The following HTR7 variants were observed in gnomAD, a reference collection of about 807,000 sequenced individuals.
The protein encoded by HTR7 is 5-HT-7.
HTR7 carries 16 observed loss-of-function variants against 34.0 expected under a neutral mutation model. The ratio of observed to expected loss-of-function variants is 0.47; its 90% confidence interval spans 0.32 to 0.71. HTR7 has a LOEUF of 0.71. Among genes scored for constraint, HTR7 ranks in the 30% least tolerant of loss-of-function variants. HTR7 has a pLI of 0.04. For synonymous variants in HTR7, 265 were observed against 260.2 expected (o/e 1.02, Z -0.18); for missense variants, 504 against 625.5 (o/e 0.81, Z 2.07).
At chr10:90,745,186 C>A (rs937030459) in intron 2 of HTR7, among the ~76,000 whole-genome samples, 5 of 152,136 alleles carry the variant, frequency 3.3e-5, no homozygotes, top group Non-Finnish European at 7.4e-5. Flanking sequence ...AAATTGGTAG[C>A]TTATAAACAA....
intron 1 of HTR7, among the ~76,000 whole-genome samples, chr10:90,829,589 C>T (rs1846133071): frequency 6.6e-6 from 1 of 152,036 alleles, no homozygotes; most frequent in Admixed American, 6.6e-5. Flanking sequence ...CTTTTTGCCA[C>T]TGTTATTCAA....
rs181736514 is a variant in HTR7 at position 90,759,016 on chromosome 10, T to C, written c.540-9422A>G. ...CAGCCTGACCAACATGGAGAAACCC[T>C]GTCTCTACTAAAAATACAAAATTAG... On this transcript the variant is annotated intron_variant, in intron 1 of 3. Transcript: ENST00000336152. Among the ~76,000 whole-genome samples the C allele has an allele frequency of 6.3e-3, 958 of 151,804 alleles. 9 individuals carry two copies. Among genetic ancestry groups the C allele is most frequent in the African/African-American group, 0.015 (631 of 41,430 alleles).
chr10:90,763,416 AT>A (rs1055999580), intron 1 of HTR7, among the ~76,000 whole-genome samples: 78 of 142,268 alleles, frequency 5.5e-4, no homozygotes, highest in African/African-American at 1.8e-3. Flanking sequence ...GAATTGTTTT[AT>A]TTCTTTTTTT....
At chr10:90,812,681 C>T (rs917026174) in intron 1 of HTR7, among the ~76,000 whole-genome samples, 3 of 152,198 alleles carry the variant, frequency 2.0e-5, no homozygotes, top group African/African-American at 7.2e-5. Context: ...CCACCCCAAT[C>T]CTGCTCGAAG....
chr10:90,854,973 A>G (rs572629578), intron 1 of HTR7, among the ~76,000 whole-genome samples: 1 of 152,352 alleles, frequency 6.6e-6, no homozygotes, highest in East Asian at 1.9e-4. Context: ...ACGGAATTGC[A>G]GAAAACATGC....
intron 1 of HTR7, among the ~76,000 whole-genome samples, chr10:90,797,870 G>A (rs942672697): frequency 1.3e-5 from 2 of 152,180 alleles, no homozygotes; most frequent in Non-Finnish European, 2.9e-5. Context: ...GAAGTCCAAG[G>A]CTGAGGGACT....
chr10:90,854,832 A>T (rs1348308010), intron 1 of HTR7, among the ~76,000 whole-genome samples: 1 of 152,230 alleles, frequency 6.6e-6, no homozygotes, highest in Admixed American at 6.5e-5. Flanking sequence ...TATTGTAATT[A>T]ATCTTTGATT....
intron 1 of HTR7, among the ~76,000 whole-genome samples, chr10:90,791,583 A>G (rs1424317385): frequency 6.6e-6 from 1 of 152,102 alleles, no homozygotes; most frequent in Non-Finnish European, 1.5e-5. Flanking sequence ...GGAGCGGGCA[A>G]TGGCAAGGCT....
At chr10:90,759,278 TGAA>T (rs1286345322) in intron 1 of HTR7, among the ~76,000 whole-genome samples, 2 of 151,830 alleles carry the variant, frequency 1.3e-5, no homozygotes, top group Non-Finnish European at 2.9e-5. Flanking sequence ...TGAAAGAACT[TGAA>T]GAGTAAAGTG....
intron 1 of HTR7, among the ~76,000 whole-genome samples, chr10:90,757,992 G>A (rs532498571): frequency 1.3e-5 from 2 of 152,232 alleles, no homozygotes; most frequent in South Asian, 4.1e-4. Flanking sequence ...AATAAATTGA[G>A]GCCAGAACAT....
intron 1 of HTR7, among the ~76,000 whole-genome samples, chr10:90,772,429 C>T (rs1375162866): frequency 6.6e-6 from 1 of 152,126 alleles, no homozygotes; most frequent in Non-Finnish European, 1.5e-5. Flanking sequence ...TTTTTCTTCT[C>T]TTCTACCTCT....
intron 1 of HTR7, among the ~76,000 whole-genome samples, chr10:90,753,740 T>C: frequency 6.6e-6 from 1 of 151,918 alleles, no homozygotes; most frequent in East Asian, 1.9e-4. Flanking sequence ...ATGATATATA[T>C]ATATACTGTA....
chr10:90,751,648 A>G (rs1844739560), intron 1 of HTR7, among the ~76,000 whole-genome samples: 1 of 152,150 alleles, frequency 6.6e-6, no homozygotes, highest in Non-Finnish European at 1.5e-5. Flanking sequence ...GGGTGTTTCA[A>G]TAGGGTAGGT....
At position 90,857,467 on chromosome 10, in the gene HTR7, C is replaced by G. The variant is rs552654071; in HGVS notation, c.205G>C (p.Gly69Arg). Residue 69 changes from glycine (G) to arginine (R), a missense_variant, in exon 1 of 4, where the codon GGC becomes CGC. Physicochemically the swap from Gly to Arg is moderately radical, Grantham distance 125. Around this residue, in one of 4 missense-constraint regions of HTR7, gnomAD observed 139 missense variants for 117.1 expected, o/e 1.19. Coordinates refer to ENST00000336152, the MANE Select transcript of HTR7 (RefSeq NM_019859.4). The surrounding 1 kb of genome is among the most constrained non-coding windows in gnomAD (Gnocchi z 6.5). ...CCGTAGTTGATCTGTTCCCCACAGC[C>G]GGAGGCATTGTCCGGGGGCGCGTCC... is the stretch of plus-strand genomic sequence containing the variant. Reference protein sequence around the residue: ...TWDAPPDNASGCGEQINYGRV... With the variant: ...TWDAPPDNASRCGEQINYGRV... 21 of 1,613,854 alleles carry G rather than the reference C, an allele frequency of 1.3e-5. No homozygotes were observed. In the African/African-American group the frequency reaches 2.4e-4, roughly 18 times the overall value.
At chr10:90,823,531 C>T (rs1564694514) in intron 1 of HTR7, among the ~76,000 whole-genome samples, 6 of 152,178 alleles carry the variant, frequency 3.9e-5, no homozygotes, top group Admixed American at 3.9e-4. Context: ...GTGGAAGGGA[C>T]TTGCCTTGTT....
intron 1 of HTR7, among the ~76,000 whole-genome samples, chr10:90,852,839 T>C (rs1426634403): frequency 6.6e-6 from 1 of 152,208 alleles, no homozygotes; most frequent in Admixed American, 6.5e-5. Context: ...TGGTTCCCTT[T>C]GCAAGCAATA....
intron 1 of HTR7, among the ~76,000 whole-genome samples, chr10:90,826,405 G>A (rs1222093775): frequency 6.6e-6 from 1 of 151,916 alleles, no homozygotes; most frequent in African/African-American, 2.4e-5. Flanking sequence ...ATCATCTGAA[G>A]GTATAAAACT....
At chr10:90,831,758 G>A (rs186050478) in intron 1 of HTR7, among the ~76,000 whole-genome samples, 11 of 152,238 alleles carry the variant, frequency 7.2e-5, no homozygotes, top group South Asian at 2.1e-4. Flanking sequence ...AGTTATCCAC[G>A]TCCCCACTAG....
intron 1 of HTR7, among the ~76,000 whole-genome samples, chr10:90,787,560 G>A (rs1274195430): frequency 6.6e-6 from 1 of 152,082 alleles, no homozygotes; most frequent in Non-Finnish European, 1.5e-5. Flanking sequence ...CGTGCTGGTA[G>A]CTGTGGGTGG....
Sources: gnomAD v4.1 joint callset for allele counts (sites outside exome capture counted in the v4.1 genomes callset) on GRCh38, gnomAD v4.1.1 for gene constraint, gnomAD v4.1.1 regional missense constraint, Gnocchi (gnomAD v3.1) non-coding constraint, MANE v1.5 for transcripts, NCBI Gene and HGNC (gene_info 2026-07-23, HGNC 2026-07-21) for gene names.